Variants in R3HDM1 observed in about 807,000 individuals in gnomAD.
R3HDM1 encodes the protein R3H domain-containing protein 1.
R3HDM1 carries 46 observed loss-of-function variants against 141.1 expected under a neutral mutation model. The ratio of observed to expected loss-of-function variants is 0.33; its 90% confidence interval spans 0.26 to 0.42. The LOEUF is 0.42. Ranked by LOEUF, R3HDM1 falls within the 10% of genes least tolerant of loss-of-function variation. The probability of loss-of-function intolerance (pLI) is 1.00; values close to 1 mark genes in which losing one functional copy is unlikely to be tolerated. For synonymous variants in R3HDM1, 435 were observed against 472.9 expected, an observed-to-expected ratio of 0.92 and a Z score of 1.04; for missense variants, 1,184 against 1,368.3, an observed-to-expected ratio of 0.87 and a Z score of 2.12.
intron 1 of R3HDM1, among the ~76,000 whole-genome samples, chr2:135,540,782 T>G (rs1352697052): frequency 6.6e-6 from 1 of 152,196 alleles, no homozygotes; most frequent in African/African-American, 2.4e-5. Context: ...CTTTACCCAG[T>G]TGCATCAGAG....
intron 1 of R3HDM1, chr2:135,534,097 A>G (rs749825208): frequency 2.9e-4 from 273 of 926,320 alleles, no homozygotes; most frequent in Non-Finnish European, 3.4e-4. Flanking sequence ...ACAGTTTGCG[A>G]CTAGTTATTT....
At chr2:135,684,687 C>T (rs1270200670) in intron 21 of R3HDM1, among the ~76,000 whole-genome samples, 4 of 152,062 alleles carry the variant, frequency 2.6e-5, no homozygotes, top group Admixed American at 6.5e-5. Flanking sequence ...AAACAATACA[C>T]GCATAAATAC....
chr2:135,616,520 G>A, intron 4 of R3HDM1, 148 bp from the exon 5 acceptor site: 1 of 656,696 alleles, frequency 1.5e-6, no homozygotes, highest in South Asian at 2.4e-5. Context: ...GCCTTCAGTA[G>A]TGTTTAATGA....
chr2:135,561,351 A>C, intron 1 of R3HDM1: 1 of 979,614 alleles, frequency 1.0e-6, no homozygotes, highest in Non-Finnish European at 1.2e-6. Flanking sequence ...CATTATCCAA[A>C]GATAGTTTTC....
chr2:135,623,828 T>G, intron 7 of R3HDM1, among the ~76,000 whole-genome samples: 1 of 152,178 alleles, frequency 6.6e-6, no homozygotes, highest in South Asian at 2.1e-4. Flanking sequence ...AAAAGACACC[T>G]GATAATTAAA....
chr2:135,652,996 T>A lies in R3HDM1; in HGVS notation c.2028+964T>A, dbSNP rs1481451916. On this transcript the variant is annotated intron_variant, in intron 18 of 26. Transcript: ENST00000683871. ...TTTCTTGGTATTGGTAATTTTGCTCTCTCTTTTTTGTTTTTTATTAATTTA... is the reference window on the plus strand; with the variant it reads ...TTTCTTGGTATTGGTAATTTTGCTCACTCTTTTTTGTTTTTTATTAATTTA... 5.9e-5 allele frequency among the ~76,000 whole-genome samples: 9 copies of A among 151,878 alleles called. No individual in the cohort carries two copies. The East Asian group carries it at 1.7e-3, about 29-fold the overall frequency.
chr2:135,585,734 A>G (rs1707758503), intron 1 of R3HDM1, among the ~76,000 whole-genome samples: 2 of 152,242 alleles, frequency 1.3e-5, no homozygotes, highest in Admixed American at 1.3e-4. Context: ...GCCAACAAGC[A>G]TCTGACATGA....
chr2:135,608,063 C>G, intron 3 of R3HDM1: 2 of 854,344 alleles, frequency 2.3e-6, no homozygotes, highest in Non-Finnish European at 2.8e-6. Context: ...CATCTGTAAT[C>G]CCAGCACTTT....
intron 21 of R3HDM1, among the ~76,000 whole-genome samples, chr2:135,705,087 AC>A (rs538239472): frequency 1.6e-3 from 240 of 152,186 alleles, no homozygotes; most frequent in African/African-American, 5.5e-3. Flanking sequence ...ATATGTACTG[AC>A]TCCGCTTTAC....
chr2:135,556,354 G>A (rs1298292155), intron 1 of R3HDM1, among the ~76,000 whole-genome samples: 2 of 152,018 alleles, frequency 1.3e-5, no homozygotes, highest in Admixed American at 6.5e-5. Context: ...TATACCATTC[G>A]GTAGTAATAT....
At chr2:135,558,278 T>C (rs76852441) in intron 1 of R3HDM1, among the ~76,000 whole-genome samples, 2 of 152,340 alleles carry the variant, frequency 1.3e-5, no homozygotes, top group Non-Finnish European at 2.9e-5. Context: ...CTAGTGTAAC[T>C]AAAGAACTGA....
Position 135,681,146 on chromosome 2 carries a change from A to G in R3HDM1, c.2459+822A>G, listed in dbSNP as rs557363375. Among the ~76,000 whole-genome samples, 38 of 152,310 alleles carry G rather than the reference A, an allele frequency of 2.5e-4. No individual in the cohort carries two copies. In the South Asian group the frequency reaches 6.4e-3, roughly 26 times the overall value. The stretch of plus-strand genomic sequence containing the variant: ...TGACAAGCCATGTGTTGAAAATACT[A>G]ATCTTTCATTGAATTGGGTCCCTTT... On this transcript the variant is annotated intron_variant, in intron 21 of 26. Coordinates refer to ENST00000683871, the MANE Select transcript of R3HDM1 (RefSeq NM_001378107.1).
chr2:135,630,312 A>AC (rs1308516759), intron 7 of R3HDM1, among the ~76,000 whole-genome samples: 129 of 150,152 alleles, frequency 8.6e-4, no homozygotes, highest in African/African-American at 3.1e-3. Context: ...AAAAAAACAA[A>AC]AAAAAAACGA....
chr2:135,721,093 T>C (rs1459584310), intron 24 of R3HDM1, among the ~76,000 whole-genome samples: 1 of 152,206 alleles, frequency 6.6e-6, no homozygotes, highest in Non-Finnish European at 1.5e-5. Flanking sequence ...GTTCCTACCA[T>C]GCACCCTCCT....
chr2:135,615,726 A>C (rs1336366531), intron 3 of R3HDM1, among the ~76,000 whole-genome samples: 1 of 152,188 alleles, frequency 6.6e-6, no homozygotes, highest in Non-Finnish European at 1.5e-5. Context: ...TGAAACATTA[A>C]GTTTGGAACT....
At position 135,646,099 on chromosome 2, in the gene R3HDM1, C is replaced by A. The variant is rs80314382; in HGVS notation, c.1623+572C>A. ...AGTTGTATTATCCATCTTTGGGGAA[C>A]TTGACTATACCAGTATGAACTCCTA... On this transcript the variant is annotated intron_variant, in intron 16 of 26. Coordinates refer to ENST00000683871, the MANE Select transcript of R3HDM1 (RefSeq NM_001378107.1). 3.0e-3 allele frequency among the ~76,000 whole-genome samples: 452 copies of A among 151,646 alleles called. 2 individuals carry two copies. The highest frequency in any genetic ancestry group is 0.01 in the African/African-American group (426 of 41,390).
At chr2:135,629,983 G>GA (rs2062474490) in intron 7 of R3HDM1, among the ~76,000 whole-genome samples, 1 of 149,468 alleles carries the variant, frequency 6.7e-6, no homozygotes, top group African/African-American at 2.5e-5. Context: ...TGTGGCAGTA[G>GA]AAAAATAGAT....
intron 21 of R3HDM1, among the ~76,000 whole-genome samples, chr2:135,686,817 A>G (rs1018540020): frequency 2.0e-5 from 3 of 152,256 alleles, no homozygotes; most frequent in African/African-American, 7.2e-5. Flanking sequence ...ATATGTAACA[A>G]TGTTGATGAA....
intron 1 of R3HDM1, among the ~76,000 whole-genome samples, chr2:135,560,437 G>A (rs879486584): frequency 6.6e-6 from 1 of 151,828 alleles, no homozygotes; most frequent in Admixed American, 6.6e-5. Flanking sequence ...CCTCAGCCTC[G>A]CGAGTAGCTG....
Sources: gnomAD v4.1 joint callset for allele counts (sites outside exome capture counted in the v4.1 genomes callset) on GRCh38, gnomAD v4.1.1 for gene constraint, MANE v1.5 for transcripts, NCBI Gene and HGNC (gene_info 2026-07-23, HGNC 2026-07-21) for gene names.